DENND1B: variants seen among roughly 807,000 people sequenced by gnomAD.
DENND1B encodes the protein DENN domain-containing protein 1B.
A neutral mutation model predicts 90.1 loss-of-function variants in DENND1B; 59 were observed. The observed-to-expected ratio is 0.65, with a 90% confidence interval of 0.53 to 0.81. The LOEUF is 0.81. Among genes scored for constraint, DENND1B ranks in the 40% least tolerant of loss-of-function variants. The pLI is 0.00. For synonymous variants in DENND1B, 337 were observed against 324.6 expected, an observed-to-expected ratio of 1.04 and a Z score of -0.41; for missense variants, 862 against 912.6, an observed-to-expected ratio of 0.94 and a Z score of 0.71.
chr1:197,596,289 G>A (rs1351831581), intron 13 of DENND1B, among the ~76,000 whole-genome samples: 1 of 151,900 alleles, frequency 6.6e-6, no homozygotes, highest in African/African-American at 2.4e-5. Flanking sequence ...TCATACTCCT[G>A]ATGTAAACTC....
chr1:197,719,356 C>T (rs1660941550), intron 2 of DENND1B, among the ~76,000 whole-genome samples: 1 of 151,882 alleles, frequency 6.6e-6, no homozygotes, highest in African/African-American at 2.4e-5. Flanking sequence ...CCTGAGAAGA[C>T]AGGAAGGTTG....
chr1:197,617,687 G>C lies in DENND1B; in HGVS notation c.745C>G (p.Leu249Val). The C allele has an allele frequency of 6.2e-7, 1 of 1,607,606 alleles. No individual in the cohort carries two copies. The highest frequency in any genetic ancestry group is 8.5e-7 in the Non-Finnish European group (1 of 1,175,482). Residue 249 changes from leucine to valine, a missense_variant, in exon 11 of 23, where the codon CTT becomes GTT. Leu to Val is a conservative substitution (Grantham distance 32, BLOSUM62 1). Transcript: ENST00000620048. ...MYWQHIYIPVLPPHLLDYCCA... is the reference protein window; with the variant it reads ...MYWQHIYIPVVPPHLLDYCCA... ...CAGTAGTCCAGCAGGTGTGGAGGAA[G>C]CACTGGGATGTATATGTGTTGCCAA...
intron 2 of DENND1B, among the ~76,000 whole-genome samples, chr1:197,739,183 A>G (rs367579803): frequency 6.6e-6 from 1 of 152,230 alleles, no homozygotes; most frequent in East Asian, 1.9e-4. Flanking sequence ...CTCATAATCA[A>G]CAAGAGTATC....
intron 15 of DENND1B, among the ~76,000 whole-genome samples, chr1:197,563,990 G>A (rs927543861): frequency 3.3e-5 from 5 of 151,958 alleles, no homozygotes; most frequent in Non-Finnish European, 5.9e-5. Context: ...ACCTGAATAC[G>A]TGACTAAATT....
At chr1:197,575,645 C>T (rs536051786) in intron 15 of DENND1B, among the ~76,000 whole-genome samples, 140 of 152,212 alleles carry the variant, frequency 9.2e-4, no homozygotes, top group African/African-American at 3.2e-3. Flanking sequence ...ATGTTTATTG[C>T]GGCACCATTC....
rs1653962700 is a variant in DENND1B at position 197,657,495 on chromosome 1, A to G, written c.366+805T>C. Among the ~76,000 whole-genome samples the G allele has an allele frequency of 1.3e-5, 2 of 152,238 alleles. 1 individual carries two copies. Among genetic ancestry groups the G allele is most frequent in the East Asian group, 3.8e-4 (2 of 5,200 alleles). On this transcript the variant is annotated intron_variant, in intron 6 of 22. Coordinates refer to ENST00000620048, the MANE Select transcript of DENND1B (RefSeq NM_001195215.2). ...AAGTAAATGTCCAATATCACTAACC[A>G]TTAAGGAAATGCAAATTAAAACCAC...
intron 9 of DENND1B, among the ~76,000 whole-genome samples, chr1:197,643,457 A>G (rs1359064443): frequency 1.3e-5 from 2 of 152,094 alleles, no homozygotes; most frequent in Non-Finnish European, 2.9e-5. Flanking sequence ...CACCTGGCCA[A>G]GAATCTGTTT....
Position 197,617,699 on chromosome 1 carries a change from A to G in DENND1B, c.733T>C (p.Tyr245His). ...LLYPMYWQHI[Y>H]IPVLPPHLLD... ...AGGTGTGGAGGAAGCACTGGGATGT[A>G]TATGTGTTGCCAATACATTGGGTAT... The change falls in exon 11 of 23, where the codon TAC becomes CAC. Residue 245 changes from tyrosine (Y) to histidine (H), a missense_variant. By Grantham distance (83) the Tyr-to-His change is moderately conservative. Transcript: ENST00000620048. The G allele has an allele frequency of 6.2e-6, 10 of 1,607,812 alleles. No individual in the cohort carries two copies. Among genetic ancestry groups the G allele is most frequent in the Non-Finnish European group, 8.5e-6 (10 of 1,175,612 alleles).
At chr1:197,647,297 TA>T (rs1286340429) in intron 7 of DENND1B, among the ~76,000 whole-genome samples, 183 bp from the exon 8 acceptor site, 1 of 152,214 alleles carries the variant, frequency 6.6e-6, no homozygotes, top group Non-Finnish European at 1.5e-5. Flanking sequence ...AGAAAAATCC[TA>T]ATGAAAGTAT....
chr1:197,743,826 A>T (rs1663443693), intron 2 of DENND1B, among the ~76,000 whole-genome samples: 1 of 152,150 alleles, frequency 6.6e-6, no homozygotes, highest in Non-Finnish European at 1.5e-5. Flanking sequence ...CAGAAAAAAA[A>T]ATTGGAGTCA....
intron 6 of DENND1B, among the ~76,000 whole-genome samples, chr1:197,657,644 AAAAATGTGGACACTGTGG>A (rs367906964): frequency 0.017 from 2,601 of 152,240 alleles, 77 homozygotes; most frequent in African/African-American, 0.059. Context: ...GATGGGAATG[AAAAATGTGGACACTGTGG>A]AAAATGTGGA....
chr1:197,608,478 A>G (rs1477407160), intron 12 of DENND1B, among the ~76,000 whole-genome samples: 2 of 150,652 alleles, frequency 1.3e-5, no homozygotes, highest in Admixed American at 1.3e-4. Flanking sequence ...AGCTTTAAAT[A>G]CATATATGTG....
chr1:197,764,749 AAAAT>A (rs1159178241), intron 2 of DENND1B, among the ~76,000 whole-genome samples: 2 of 152,204 alleles, frequency 1.3e-5, no homozygotes, highest in African/African-American at 4.8e-5. Flanking sequence ...AATAAAAATA[AAAAT>A]AAATGTTTCC....
chr1:197,697,626 C>A (rs988164636), intron 3 of DENND1B, among the ~76,000 whole-genome samples: 2 of 151,342 alleles, frequency 1.3e-5, no homozygotes, highest in African/African-American at 4.8e-5. Flanking sequence ...AGAGCCAGAA[C>A]ACAAATTGGA....
intron 3 of DENND1B, among the ~76,000 whole-genome samples, chr1:197,695,187 G>C (rs1421800761): frequency 6.6e-6 from 1 of 151,168 alleles, no homozygotes; most frequent in Non-Finnish European, 1.5e-5. Flanking sequence ...AAGATAGATA[G>C]ATACAAAGAT....
At chr1:197,773,981 C>G (rs1328388121) in intron 1 of DENND1B, among the ~76,000 whole-genome samples, 3 of 152,112 alleles carry the variant, frequency 2.0e-5, no homozygotes, top group African/African-American at 7.2e-5. Flanking sequence ...GGAAGCTTTT[C>G]TTATAAGATA....
At chr1:197,722,500 T>A (rs1368714995) in intron 2 of DENND1B, among the ~76,000 whole-genome samples, 1 of 152,158 alleles carries the variant, frequency 6.6e-6, no homozygotes, top group East Asian at 1.9e-4. Context: ...GTTTCTTAGT[T>A]ATCTATAGGA....
In DENND1B at chr1:197,680,265, C is replaced by A. The variant is rs190561732; in HGVS notation, c.127-6096G>T. On this transcript the variant is annotated intron_variant, in intron 3 of 22. Transcript: ENST00000620048. ...CCCTTGATGACCATATAACGTCCTA[C>A]CCCCTTCAGACTAAATATATCTCCG... Among the ~76,000 whole-genome samples the A allele has an allele frequency of 2.2e-3, 328 of 152,208 alleles. 1 individual carries two copies. Among genetic ancestry groups the A allele is most frequent in the African/African-American group, 7.7e-3 (319 of 41,526 alleles).
intron 7 of DENND1B, among the ~76,000 whole-genome samples, chr1:197,649,248 G>A (rs1011380153): frequency 6.6e-6 from 1 of 152,148 alleles, no homozygotes. Flanking sequence ...TGAAAGCCTG[G>A]CCAACGTTTT....
Sources: allele counts gnomAD v4.1 joint callset (sites outside exome capture counted in the v4.1 genomes callset), GRCh38; gene constraint gnomAD v4.1.1; transcripts MANE v1.5; gene names NCBI Gene and HGNC (gene_info 2026-07-23, HGNC 2026-07-21).